The following PRKCA variants were observed in gnomAD, a reference collection of about 807,000 sequenced individuals.
PRKCA encodes protein kinase C alpha type.
In PRKCA, 27 loss-of-function variants were observed where a neutral mutation model predicts 87.0. That is an observed-to-expected ratio of 0.31 (90% CI 0.23 to 0.43). The LOEUF (loss-of-function observed/expected upper bound fraction) is 0.43, where lower values mean the gene tolerates loss of function less well. Among genes scored for constraint, PRKCA ranks in the 20% least tolerant of loss-of-function variants. The pLI, the probability that PRKCA is intolerant of heterozygous loss-of-function variation, is 1.00. For synonymous variants in PRKCA, 329 were observed against 311.1 expected (o/e 1.06, Z -0.61); for missense variants, 518 against 852.3 (o/e 0.61, Z 4.88).
At chr17:66,626,448 G>A (rs1258447715) in intron 3 of PRKCA, among the ~76,000 whole-genome samples, 2 of 149,314 alleles carry the variant, frequency 1.3e-5, no homozygotes, top group African/African-American at 2.5e-5. Context: ...TGCAACCTCC[G>A]CCTCCTGGGT....
intron 5 of PRKCA, among the ~76,000 whole-genome samples, chr17:66,668,294 G>T (rs977705857): frequency 6.6e-6 from 1 of 152,194 alleles, no homozygotes; most frequent in Non-Finnish European, 1.5e-5. Flanking sequence ...GCTGTTGTTG[G>T]TGAGTTATGT....
At chr17:66,506,864 A>G (rs1917004287) in intron 3 of PRKCA, among the ~76,000 whole-genome samples, 2 of 152,332 alleles carry the variant, frequency 1.3e-5, no homozygotes, top group South Asian at 4.1e-4. Context: ...ACTCAGTGAT[A>G]CTAGACATTT....
chr17:66,345,717 A>T lies in PRKCA; in HGVS notation c.205+39590A>T, dbSNP rs564711323. Among the ~76,000 whole-genome samples, 142 of 152,314 alleles carry T rather than the reference A, an allele frequency of 9.3e-4. 1 individual carries two copies. Among genetic ancestry groups the T allele is most frequent in the African/African-American group, 3.2e-3 (134 of 41,568 alleles). On this transcript the variant is annotated intron_variant, in intron 2 of 16. Transcript: ENST00000413366. ...TTGAGTTATTTCATCGTAAAATTGCAGGCAGGAAAAATATATAGAAGCAGT... is the reference window on the plus strand; with the variant it reads ...TTGAGTTATTTCATCGTAAAATTGCTGGCAGGAAAAATATATAGAAGCAGT...
At chr17:66,307,899 C>T (rs1234737077) in intron 2 of PRKCA, among the ~76,000 whole-genome samples, 1 of 152,182 alleles carries the variant, frequency 6.6e-6, no homozygotes, top group Non-Finnish European at 1.5e-5. Flanking sequence ...GACAACCATT[C>T]GTTCACTCAC....
intron 3 of PRKCA, among the ~76,000 whole-genome samples, chr17:66,531,473 G>T (rs1967537688): frequency 6.6e-6 from 1 of 152,164 alleles, no homozygotes; most frequent in African/African-American, 2.4e-5. Context: ...TGAAACCTGG[G>T]CTGAGAGGCC....
At chr17:66,519,626 C>G (rs964205726) in intron 3 of PRKCA, among the ~76,000 whole-genome samples, 3 of 152,124 alleles carry the variant, frequency 2.0e-5, no homozygotes, top group Non-Finnish European at 4.4e-5. Context: ...GATCTTGAAG[C>G]GCCTGGTGCT....
intron 3 of PRKCA, among the ~76,000 whole-genome samples, chr17:66,594,990 C>T (rs1181488065): frequency 2.0e-5 from 3 of 152,162 alleles, no homozygotes; most frequent in Admixed American, 2.0e-4. Context: ...ACCAGAAGTC[C>T]AAAATCAAGA....
At chr17:66,742,815 C>T (rs1335391385) in intron 13 of PRKCA, 55 bp downstream of exon 13, 8 of 1,588,394 alleles carry the variant, frequency 5.0e-6, no homozygotes, top group Non-Finnish European at 6.8e-6. Flanking sequence ...GTAAACGCAG[C>T]CCTCTCATGG....
At chr17:66,668,814 T>C (rs1268662194) in intron 5 of PRKCA, among the ~76,000 whole-genome samples, 2 of 152,074 alleles carry the variant, frequency 1.3e-5, no homozygotes, top group Non-Finnish European at 2.9e-5. Flanking sequence ...TATAATAGGG[T>C]GCAGGAGGCT....
At chr17:66,479,580 A>C (rs576843772) in intron 2 of PRKCA, among the ~76,000 whole-genome samples, 1 of 152,176 alleles carries the variant, frequency 6.6e-6, no homozygotes, top group Non-Finnish European at 1.5e-5. Context: ...CACTATTCAC[A>C]ATAGGAAAGA....
chr17:66,523,483 T>A (rs1416072936), intron 3 of PRKCA, among the ~76,000 whole-genome samples: 1 of 152,194 alleles, frequency 6.6e-6, no homozygotes. Flanking sequence ...TATAGAGTTT[T>A]GGGATGAATT....
chr17:66,664,257 A>C (rs1971981724), intron 5 of PRKCA, among the ~76,000 whole-genome samples: 1 of 152,108 alleles, frequency 6.6e-6, no homozygotes, highest in African/African-American at 2.4e-5. Context: ...CTGAGTGAAT[A>C]TGTGGTTCAG....
intron 3 of PRKCA, among the ~76,000 whole-genome samples, chr17:66,579,735 G>A (rs915840561): frequency 2.6e-5 from 4 of 152,220 alleles, no homozygotes; most frequent in African/African-American, 9.6e-5. Flanking sequence ...CTGGAAGGCA[G>A]AGGCAGGGCC....
intron 2 of PRKCA, among the ~76,000 whole-genome samples, chr17:66,377,999 A>C (rs981271487): frequency 6.6e-5 from 10 of 152,114 alleles, no homozygotes; most frequent in African/African-American, 1.7e-4. Flanking sequence ...ATTGATGGGC[A>C]CATTATATTG....
intron 5 of PRKCA, among the ~76,000 whole-genome samples, chr17:66,667,652 C>G: frequency 6.6e-6 from 1 of 152,122 alleles, no homozygotes; most frequent in Non-Finnish European, 1.5e-5. Context: ...CATCAAGGAA[C>G]CACATTCAAA....
At chr17:66,631,151 T>C (rs749354371) in intron 3 of PRKCA, among the ~76,000 whole-genome samples, 2 of 152,192 alleles carry the variant, frequency 1.3e-5, no homozygotes, top group Non-Finnish European at 2.9e-5. Flanking sequence ...ATTTTTGTTG[T>C]GGAAAGCCAC....
At chr17:66,546,201 C>G (rs1968140354) in intron 3 of PRKCA, among the ~76,000 whole-genome samples, 1 of 152,072 alleles carries the variant, frequency 6.6e-6, no homozygotes, top group African/African-American at 2.4e-5. Context: ...ATTTAATGAC[C>G]ACTATCCTTT....
intron 2 of PRKCA, among the ~76,000 whole-genome samples, chr17:66,409,375 C>T (rs1270892379): frequency 6.6e-6 from 1 of 152,140 alleles, no homozygotes; most frequent in Non-Finnish European, 1.5e-5. Flanking sequence ...GTCTTGGACT[C>T]CTGTGGACCA....
At chr17:66,688,828 A>G in intron 7 of PRKCA, 123 bp from the exon 8 acceptor site, 8 of 670,458 alleles carry the variant, frequency 1.2e-5, no homozygotes, top group Non-Finnish European at 2.1e-5. Context: ...AAAAAAGTCA[A>G]ATGTCTACTG....
Sources: allele counts gnomAD v4.1 joint callset (sites outside exome capture counted in the v4.1 genomes callset), GRCh38; gene constraint gnomAD v4.1.1; transcripts MANE v1.5; gene names NCBI Gene and HGNC (gene_info 2026-07-23, HGNC 2026-07-21).